Variants in UVRAG observed in about 807,000 individuals in gnomAD.
UVRAG encodes the protein UV radiation resistance associated.
A neutral mutation model predicts 78.0 loss-of-function variants in UVRAG; 19 were observed. That is an observed-to-expected ratio of 0.24 (90% CI 0.17 to 0.36). The LOEUF (loss-of-function observed/expected upper bound fraction) is 0.36, where lower values mean the gene tolerates loss of function less well. Ranked by LOEUF, UVRAG falls within the 10% of genes least tolerant of loss-of-function variation. UVRAG has a pLI of 1.00. For synonymous variants in UVRAG, 323 were observed against 324.6 expected, an observed-to-expected ratio of 1.00 and a Z score of 0.05; for missense variants, 740 against 853.8, an observed-to-expected ratio of 0.87 and a Z score of 1.66.
At chr11:75,908,431 A>C (rs1947664946) in intron 5 of UVRAG, among the ~76,000 whole-genome samples, 1 of 152,192 alleles carries the variant, frequency 6.6e-6, no homozygotes, top group Non-Finnish European at 1.5e-5. Flanking sequence ...TTTGGGGTAC[A>C]TACCCAGAAA....
intron 13 of UVRAG, among the ~76,000 whole-genome samples, chr11:76,072,081 CA>C (rs1184406904): frequency 6.6e-6 from 1 of 152,016 alleles, no homozygotes; most frequent in Non-Finnish European, 1.5e-5. Context: ...TGAGATTACC[CA>C]GGGAGAGAAC....
intron 12 of UVRAG, among the ~76,000 whole-genome samples, chr11:76,026,286 C>G (rs773473900): frequency 2.2e-4 from 33 of 152,062 alleles, no homozygotes; most frequent in Admixed American, 3.3e-4. Context: ...AATTCTGACT[C>G]CTCATTTCTA....
intron 1 of UVRAG, among the ~76,000 whole-genome samples, chr11:75,820,461 TC>T (rs970238415): frequency 6.6e-6 from 1 of 152,090 alleles, no homozygotes; most frequent in African/African-American, 2.4e-5. Flanking sequence ...TTCAAGCGAT[TC>T]TCCTGCCTCA....
At chr11:76,073,079 TTATATA>T (rs554496334) in intron 13 of UVRAG, among the ~76,000 whole-genome samples, 3 of 152,094 alleles carry the variant, frequency 2.0e-5, no homozygotes, top group African/African-American at 7.2e-5. Flanking sequence ...TACTCATAGT[TTATATA>T]TATATATTTA....
At chr11:75,849,907 T>C (rs560156730) in intron 1 of UVRAG, among the ~76,000 whole-genome samples, 30 of 152,364 alleles carry the variant, frequency 2.0e-4, no homozygotes, top group African/African-American at 6.5e-4. Context: ...CAGAGATTTA[T>C]TGAGAATGAA....
At chr11:76,037,236 A>G (rs1950550807) in intron 12 of UVRAG, among the ~76,000 whole-genome samples, 1 of 152,188 alleles carries the variant, frequency 6.6e-6, no homozygotes. Flanking sequence ...AACATATGCA[A>G]GCTGAATCTG....
intron 4 of UVRAG, among the ~76,000 whole-genome samples, chr11:75,884,416 T>C: frequency 6.6e-6 from 1 of 152,130 alleles, no homozygotes; most frequent in East Asian, 1.9e-4. Context: ...TTTTTTAATG[T>C]TGGTGAAGTC....
intron 4 of UVRAG, among the ~76,000 whole-genome samples, chr11:75,883,755 A>G (rs1430960835): frequency 6.6e-6 from 1 of 152,206 alleles, no homozygotes; most frequent in Non-Finnish European, 1.5e-5. Flanking sequence ...AGAATCAGGG[A>G]GGAATGACTT....
At chr11:75,842,834 T>G (rs916307756) in intron 1 of UVRAG, among the ~76,000 whole-genome samples, 1 of 152,228 alleles carries the variant, frequency 6.6e-6, no homozygotes, top group Non-Finnish European at 1.5e-5. Flanking sequence ...TCTTATAGAT[T>G]AAGCAAATCA....
At chr11:75,828,805 A>ATATATATATATATATTTT (rs1478310271) in intron 1 of UVRAG, among the ~76,000 whole-genome samples, 2 of 100,274 alleles carry the variant, frequency 2.0e-5, no homozygotes, top group Admixed American at 1.3e-4. Flanking sequence ...ATATATATAT[A>ATATATATATATATATTTT]TTTTTTTTTT....
At chr11:75,920,655 C>T (rs1212020672) in intron 6 of UVRAG, among the ~76,000 whole-genome samples, 3 of 152,094 alleles carry the variant, frequency 2.0e-5, no homozygotes, top group African/African-American at 7.2e-5. Context: ...CCCTAGTCAC[C>T]CTTCACCCAT....
chr11:76,004,388 C>G (rs897933056), intron 9 of UVRAG, among the ~76,000 whole-genome samples: 2 of 152,094 alleles, frequency 1.3e-5, no homozygotes, highest in Non-Finnish European at 2.9e-5. Context: ...CTGTCTTCTA[C>G]ATGCGGTTTA....
In UVRAG at chr11:76,140,018, A is replaced by T. The variant is rs184781203; in HGVS notation, c.1398-693A>T. ...AAAAAAAAAAAGGAACCCCTCAAAA[A>T]TTTTTTTTAATTTTTAAAATATAAC... is the stretch of plus-strand genomic sequence containing the variant. On this transcript the variant is annotated intron_variant, in intron 14 of 14. Transcript: ENST00000356136. Among the ~76,000 whole-genome samples the T allele has an allele frequency of 1.9e-4, 27 of 144,478 alleles. 2 individuals carry two copies. The East Asian group carries it at 5.2e-3, about 28-fold the overall frequency. 94.8% of individuals were successfully genotyped at this position (144,478 alleles called of 152,430 possible).
intron 11 of UVRAG, among the ~76,000 whole-genome samples, chr11:76,013,255 T>TA (rs1950087885): frequency 6.6e-6 from 1 of 152,210 alleles, no homozygotes; most frequent in Non-Finnish European, 1.5e-5. Context: ...ATACAAAAGC[T>TA]ACAGCCTTGA....
At chr11:75,854,976 T>C (rs1297901009) in intron 2 of UVRAG, among the ~76,000 whole-genome samples, 1 of 152,206 alleles carries the variant, frequency 6.6e-6, no homozygotes, top group Non-Finnish European at 1.5e-5. Flanking sequence ...CTTGCCCCAG[T>C]GTTACCTCTG....
chr11:75,989,045 A>G (rs547651167), intron 8 of UVRAG, among the ~76,000 whole-genome samples: 2 of 151,410 alleles, frequency 1.3e-5, no homozygotes, highest in African/African-American at 4.9e-5. Flanking sequence ...TTTATTCATC[A>G]TTTTTTTTAA....
At chr11:75,854,444 CTCAG>C (rs373418299) in intron 2 of UVRAG, among the ~76,000 whole-genome samples, 24 of 152,044 alleles carry the variant, frequency 1.6e-4, no homozygotes, top group African/African-American at 5.1e-4. Context: ...GAGATGGAGT[CTCAG>C]TCTGTTTGCC....
Position 76,048,748 on chromosome 11 carries a change from G to A in UVRAG, c.1227-16962G>A, listed in dbSNP as rs142530642. Among the ~76,000 whole-genome samples, 7 of 152,290 alleles carry A rather than the reference G, an allele frequency of 4.6e-5. No homozygotes were observed. The East Asian group carries it at 1.2e-3, about 25-fold the overall frequency. On this transcript the variant is annotated intron_variant, in intron 12 of 14. Coordinates refer to ENST00000356136, the MANE Select transcript of UVRAG (RefSeq NM_003369.4). Reference sequence around the variant, plus strand: ...AGAAAACTGACTTTAGCTAACTTATGTGTGTAATTTTGAGCATTGACATCC... The same window carrying A: ...AGAAAACTGACTTTAGCTAACTTATATGTGTAATTTTGAGCATTGACATCC...
chr11:76,051,031 C>G (rs1950855246), intron 12 of UVRAG, among the ~76,000 whole-genome samples: 1 of 152,086 alleles, frequency 6.6e-6, no homozygotes, highest in Non-Finnish European at 1.5e-5. Flanking sequence ...GGATTGAGTA[C>G]CTGTTATCAG....
Sources: allele counts gnomAD v4.1 joint callset (sites outside exome capture counted in the v4.1 genomes callset), GRCh38; gene constraint gnomAD v4.1.1; transcripts MANE v1.5; gene names NCBI Gene and HGNC (gene_info 2026-07-23, HGNC 2026-07-21).